Variants in GALNT13 observed in about 807,000 individuals in gnomAD.
The protein encoded by GALNT13 is UDP-GalNAc:polypeptide N-acetylgalactosaminyltransferase 13.
GALNT13 carries 28 observed loss-of-function variants against 64.2 expected under a neutral mutation model. That is an observed-to-expected ratio of 0.44 (90% CI 0.32 to 0.60). The LOEUF (loss-of-function observed/expected upper bound fraction) is 0.60. Ranked by LOEUF, GALNT13 falls within the 20% of genes least tolerant of loss-of-function variation. GALNT13 has a pLI of 0.05. For missense variants in GALNT13, 577 were observed against 669.8 expected (o/e 0.86, Z 1.53); for synonymous variants, 214 against 224.6 (o/e 0.95, Z 0.42).
intron 4 of GALNT13, among the ~76,000 whole-genome samples, chr2:154,143,548 A>ATTTTT (rs59907351): frequency 6.7e-6 from 1 of 148,544 alleles, no homozygotes; most frequent in Non-Finnish European, 1.5e-5. Flanking sequence ...ATAGCCAGTG[A>ATTTTT]TTTTTTTTTT....
chr2:153,484,233 T>C, the GALNT13 span, among the ~76,000 whole-genome samples: 82 of 152,288 alleles, frequency 5.4e-4, 1 homozygote, highest in Middle Eastern at 0.014. Context: ...CATGACTATA[T>C]AGTAAATACA....
the GALNT13 span, among the ~76,000 whole-genome samples, chr2:153,264,777 C>A: frequency 6.6e-6 from 1 of 152,114 alleles, no homozygotes; most frequent in Non-Finnish European, 1.5e-5. Context: ...GGGAGGGGAA[C>A]AATACACAGT....
chr2:154,079,745 G>A (rs1701176276), intron 3 of GALNT13, among the ~76,000 whole-genome samples: 1 of 151,414 alleles, frequency 6.6e-6, no homozygotes, highest in Non-Finnish European at 1.5e-5. Flanking sequence ...TGATACAAAG[G>A]ATATTTTTGA....
At chr2:153,739,678 CATTA>C in the GALNT13 span, among the ~76,000 whole-genome samples, 6 of 144,548 alleles carry the variant, frequency 4.2e-5, no homozygotes, top group African/African-American at 1.0e-4. Flanking sequence ...ATGTATGTTA[CATTA>C]ATTGATTTAT....
chr2:153,804,385 C>T, the GALNT13 span, among the ~76,000 whole-genome samples: 3 of 152,012 alleles, frequency 2.0e-5, no homozygotes, highest in Non-Finnish European at 4.4e-5. Flanking sequence ...CTAGGCTGCC[C>T]AGATTGGTCT....
upstream of GALNT13, among the ~76,000 whole-genome samples, chr2:153,867,939 A>T (rs1039168741): frequency 2.0e-5 from 3 of 152,144 alleles, no homozygotes; most frequent in African/African-American, 7.2e-5. Flanking sequence ...CATCCCTCAT[A>T]TCCTTCTGTG....
the GALNT13 span, among the ~76,000 whole-genome samples, chr2:153,722,728 C>A: frequency 2.7e-3 from 416 of 152,316 alleles, 2 homozygotes; most frequent in Middle Eastern, 6.8e-3. Flanking sequence ...TTCCTTGACA[C>A]ATACACTCTC....
At chr2:153,743,665 G>C in the GALNT13 span, among the ~76,000 whole-genome samples, 1 of 152,196 alleles carries the variant, frequency 6.6e-6, no homozygotes, top group East Asian at 1.9e-4. Flanking sequence ...TTGACCCTCT[G>C]TGTTTCAAAA....
the GALNT13 span, among the ~76,000 whole-genome samples, chr2:153,722,969 T>C: frequency 1.3e-5 from 2 of 151,868 alleles, no homozygotes; most frequent in Non-Finnish European, 2.9e-5. Flanking sequence ...CCAGCATCAT[T>C]CTGATACCAA....
At chr2:154,283,291 G>T (rs960216407) in intron 8 of GALNT13, among the ~76,000 whole-genome samples, 1 of 152,012 alleles carries the variant, frequency 6.6e-6, no homozygotes, top group Non-Finnish European at 1.5e-5. Context: ...GTATCTTCAA[G>T]TTTTCCCTTT....
the GALNT13 span, among the ~76,000 whole-genome samples, chr2:153,154,466 C>T: frequency 6.6e-6 from 1 of 152,054 alleles, no homozygotes; most frequent in African/African-American, 2.4e-5. Context: ...AATACACCTC[C>T]CTAGTTAGCT....
chr2:153,889,720 A>C lies in GALNT13; in HGVS notation c.-176-11216A>C, dbSNP rs142542112. ...ATGACTGTACTTTATTGATGCATGA[A>C]ATGATTCCTGCTTAAGCAGTCAGTA... On this transcript the variant is annotated intron_variant, in intron 1 of 12. Transcript: ENST00000392825. 4.1e-3 allele frequency among the ~76,000 whole-genome samples: 631 copies of C among 152,120 alleles called. 4 individuals carry two copies. The highest frequency in any genetic ancestry group is 0.015 in the African/African-American group (604 of 41,518).
chr2:153,238,752 G>T, the GALNT13 span, among the ~76,000 whole-genome samples: 2 of 152,014 alleles, frequency 1.3e-5, no homozygotes. Context: ...TAGCTCTGCA[G>T]TATAATTTGA....
chr2:153,997,219 G>C (rs554989077), intron 3 of GALNT13, among the ~76,000 whole-genome samples: 6 of 152,118 alleles, frequency 3.9e-5, no homozygotes, highest in Non-Finnish European at 7.4e-5. Context: ...TGCCATTGGT[G>C]TTTTGATAAA....
chr2:153,645,395 C>A, the GALNT13 span, among the ~76,000 whole-genome samples: 1 of 151,968 alleles, frequency 6.6e-6, no homozygotes, highest in African/African-American at 2.4e-5. Context: ...ATACATTTAA[C>A]TATTTTTATT....
At chr2:153,418,705 G>C in the GALNT13 span, among the ~76,000 whole-genome samples, 1 of 152,060 alleles carries the variant, frequency 6.6e-6, no homozygotes, top group Non-Finnish European at 1.5e-5. Flanking sequence ...CGAGAGAGTG[G>C]AGGGTAGCCG....
the GALNT13 span, among the ~76,000 whole-genome samples, chr2:153,618,528 C>T: frequency 7.5e-4 from 114 of 151,852 alleles, 1 homozygote; most frequent in East Asian, 0.022. Flanking sequence ...GTAAATATCT[C>T]TTAGAGCCAC....
intron 8 of GALNT13, among the ~76,000 whole-genome samples, chr2:154,283,118 G>A (rs1692054353): frequency 6.6e-6 from 1 of 152,104 alleles, no homozygotes; most frequent in Non-Finnish European, 1.5e-5. Context: ...TCTCAATGAA[G>A]GCCTTTTTAG....
At chr2:153,352,276 G>A in the GALNT13 span, among the ~76,000 whole-genome samples, 10 of 152,142 alleles carry the variant, frequency 6.6e-5, no homozygotes, top group African/African-American at 2.2e-4. Flanking sequence ...TGCCTGTTAA[G>A]GTCTTTAGCT....
Sources: allele counts gnomAD v4.1 joint callset (sites outside exome capture counted in the v4.1 genomes callset), GRCh38; gene constraint gnomAD v4.1.1; transcripts MANE v1.5; gene names NCBI Gene and HGNC (gene_info 2026-07-23, HGNC 2026-07-21).